Variants in ASAP1 observed in about 807,000 individuals in gnomAD.
The protein encoded by ASAP1 is ArfGAP with SH3 domain, ankyrin repeat and PH domain 1.
In ASAP1, 43 loss-of-function variants were observed where a neutral mutation model predicts 145.2. The observed-to-expected ratio is 0.30, with a 90% CI of 0.23 to 0.38. ASAP1 has a LOEUF of 0.38. ASAP1 is among the 10% of genes least tolerant of loss of function. The probability of loss-of-function intolerance (pLI) is 1.00; values close to 1 mark genes in which losing one functional copy is unlikely to be tolerated. For synonymous variants in ASAP1, 546 were observed against 515.5 expected (o/e 1.06, Z -0.80); for missense variants, 1,018 against 1,355.3 (o/e 0.75, Z 3.91).
intron 3 of ASAP1, among the ~76,000 whole-genome samples, chr8:130,351,417 TG>T (rs1222879628): frequency 6.6e-6 from 1 of 152,142 alleles, no homozygotes; most frequent in Non-Finnish European, 1.5e-5. Flanking sequence ...GTGTAAAAAA[TG>T]TTTTTTTTAA....
chr8:130,288,388 A>T (rs1049094192), intron 3 of ASAP1, among the ~76,000 whole-genome samples: 1 of 152,146 alleles, frequency 6.6e-6, no homozygotes, highest in African/African-American at 2.4e-5. Context: ...AACAACTGTT[A>T]ATAAAGAGGA....
intron 2 of ASAP1, among the ~76,000 whole-genome samples, chr8:130,385,012 G>A (rs1827947613): frequency 6.6e-6 from 1 of 152,198 alleles, no homozygotes; most frequent in Admixed American, 6.5e-5. Context: ...GGGGCTTGAG[G>A]TCCAAATATT....
At chr8:130,434,284 G>C (rs533720616) in intron 1 of ASAP1, among the ~76,000 whole-genome samples, 11 of 152,252 alleles carry the variant, frequency 7.2e-5, no homozygotes, top group Non-Finnish European at 1.3e-4. Context: ...GCAGTGAGCT[G>C]CCATAGCGCC....
chr8:130,103,678 T>C (rs1018756641), intron 24 of ASAP1, among the ~76,000 whole-genome samples: 12 of 152,190 alleles, frequency 7.9e-5, no homozygotes, highest in African/African-American at 2.9e-4. Context: ...AATTTTTGTA[T>C]TTTTAGTAGA....
chr8:130,139,802 T>A (rs1025573276), intron 13 of ASAP1, among the ~76,000 whole-genome samples: 1 of 151,486 alleles, frequency 6.6e-6, no homozygotes, highest in Admixed American at 6.6e-5. Flanking sequence ...TTTTAGACAC[T>A]ATTCACATTT....
chr8:130,184,684 G>A (rs1317690071), intron 7 of ASAP1, among the ~76,000 whole-genome samples: 2 of 152,186 alleles, frequency 1.3e-5, no homozygotes, highest in Non-Finnish European at 2.9e-5. Flanking sequence ...TGCTGACAGA[G>A]TAAGTCTTAA....
chr8:130,052,627 A>C lies in ASAP1; in HGVS notation c.*2104T>G, dbSNP rs765305969. ...CAAAACCGAACAAAAAAACTAGAAA[A>C]AAAAGGTGTTAAAAATGCTGTGTAA... On this transcript the variant is annotated 3_prime_UTR_variant, in exon 30 of 30. Transcript: ENST00000518721. 5.9e-5 allele frequency: 9 copies of C among 152,570 alleles called. No individual in the cohort carries two copies. The highest frequency in any genetic ancestry group is 4.1e-4 in the South Asian group (2 of 4,832). The allele number at this position is 152,570 out of a possible 1,614,324, so 9.5% of individuals were successfully genotyped here. A position where few individuals can be genotyped will look rare whatever the true frequency, so the allele number is the denominator to read the frequency against.
chr8:130,187,310 A>C, intron 6 of ASAP1, 25 bp from the exon 7 acceptor site: 1 of 1,574,798 alleles, frequency 6.4e-7, no homozygotes, highest in Non-Finnish European at 8.7e-7. Flanking sequence ...AATGAGATTA[A>C]AATTGCAACT....
At chr8:130,308,218 A>G (rs893118070) in intron 3 of ASAP1, among the ~76,000 whole-genome samples, 1 of 152,254 alleles carries the variant, frequency 6.6e-6, no homozygotes, top group African/African-American at 2.4e-5. Context: ...CAGTTGTCCA[A>G]TTCAAAATAT....
chr8:130,133,621 A>G (rs1331261885), intron 15 of ASAP1, among the ~76,000 whole-genome samples: 1 of 151,772 alleles, frequency 6.6e-6, no homozygotes, highest in Non-Finnish European at 1.5e-5. Context: ...GCGCCACTGC[A>G]GTCCGCAGTC....
At chr8:130,133,796 C>T (rs979410233) in intron 15 of ASAP1, among the ~76,000 whole-genome samples, 1 of 152,222 alleles carries the variant, frequency 6.6e-6, no homozygotes, top group Non-Finnish European at 1.5e-5. Context: ...GTGAAAGGCA[C>T]ATGGCAGTTT....
At chr8:130,105,474 G>A (rs374032882) in intron 24 of ASAP1, among the ~76,000 whole-genome samples, 73 of 152,224 alleles carry the variant, frequency 4.8e-4, no homozygotes, top group African/African-American at 1.6e-3. Context: ...CTTTTTCTTT[G>A]TAGCGAGAAC....
At chr8:130,241,941 A>T (rs1818552156) in intron 3 of ASAP1, among the ~76,000 whole-genome samples, 1 of 152,134 alleles carries the variant, frequency 6.6e-6, no homozygotes, top group Non-Finnish European at 1.5e-5. Context: ...TAGATTTTAG[A>T]CAATAACCAC....
At chr8:130,278,164 T>C (rs957085064) in intron 3 of ASAP1, among the ~76,000 whole-genome samples, 1 of 152,184 alleles carries the variant, frequency 6.6e-6, no homozygotes, top group African/African-American at 2.4e-5. Flanking sequence ...TCTATGATGT[T>C]AGACAGCATA....
chr8:130,080,014 G>T, intron 25 of ASAP1, 43 bp from the exon 26 acceptor site: 1 of 1,550,338 alleles, frequency 6.5e-7, no homozygotes, highest in South Asian at 1.1e-5. Flanking sequence ...CTTTAGATGG[G>T]GAAATGCAAT....
chr8:130,098,728 G>C (rs1023465915), intron 24 of ASAP1, among the ~76,000 whole-genome samples: 1 of 152,164 alleles, frequency 6.6e-6, no homozygotes, highest in Non-Finnish European at 1.5e-5. Context: ...AATGTGTAAT[G>C]ATCAAATCAG....
intron 3 of ASAP1, among the ~76,000 whole-genome samples, chr8:130,324,507 C>T (rs1213350650): frequency 6.6e-6 from 1 of 152,162 alleles, no homozygotes; most frequent in African/African-American, 2.4e-5. Context: ...AATTAAGGCA[C>T]AGTGAGGCAA....
At chr8:130,062,072 C>A (rs1242558140) in intron 27 of ASAP1, among the ~76,000 whole-genome samples, 1 of 152,188 alleles carries the variant, frequency 6.6e-6, no homozygotes, top group African/African-American at 2.4e-5. Flanking sequence ...CAAGCCCTGG[C>A]AGGCTGTAAG....
chr8:130,330,011 G>T (rs1383550060), intron 3 of ASAP1, among the ~76,000 whole-genome samples: 2 of 152,170 alleles, frequency 1.3e-5, no homozygotes, highest in Non-Finnish European at 2.9e-5. Flanking sequence ...CAGCTTTCAG[G>T]GAGAGACAGT....
Sources: allele counts gnomAD v4.1 joint callset (sites outside exome capture counted in the v4.1 genomes callset), GRCh38; gene constraint gnomAD v4.1.1; transcripts MANE v1.5; gene names NCBI Gene and HGNC (gene_info 2026-07-23, HGNC 2026-07-21).